SPATA13: variants seen among roughly 807,000 people sequenced by gnomAD.
SPATA13 encodes spermatogenesis associated 13.
In SPATA13, 50 loss-of-function variants were observed where a neutral mutation model predicts 104.0. That is an observed-to-expected ratio of 0.48 (90% confidence interval 0.38 to 0.61). The LOEUF is 0.61. Ranked by LOEUF, SPATA13 falls within the 20% of genes least tolerant of loss-of-function variation. The pLI is 0.00. For synonymous variants in SPATA13, 606 were observed against 667.5 expected (o/e 0.91, Z 1.42); for missense variants, 1,524 against 1,690.6 (o/e 0.90, Z 1.73).
intron 3 of SPATA13, among the ~76,000 whole-genome samples, chr13:24,084,918 T>G (rs1395601867): frequency 6.6e-6 from 1 of 152,182 alleles, no homozygotes; most frequent in African/African-American, 2.4e-5. Context: ...AGAGGAAACC[T>G]GCCTTGACAG....
intron 3 of SPATA13, among the ~76,000 whole-genome samples, chr13:24,086,248 A>G (rs4770573): frequency 0.72 from 109,543 of 152,114 alleles, 39,639 homozygotes; most frequent in East Asian, 0.9. Context: ...GTGTAAGTGT[A>G]TCATTCATAT....
At chr13:24,023,420 A>G (rs1877073793) in intron 3 of SPATA13, among the ~76,000 whole-genome samples, 1 of 152,180 alleles carries the variant, frequency 6.6e-6, no homozygotes, top group Non-Finnish European at 1.5e-5. Flanking sequence ...TTCTAATTTC[A>G]ATAGAAAAGT....
At position 24,011,949 on chromosome 13, in the gene SPATA13, C is replaced by G. The variant is rs1176803725; in HGVS notation, c.-146-5718C>G. On this transcript the variant is annotated intron_variant, in intron 2 of 14. Transcript: ENST00000424834. This position sits in a 1 kb window ranked among gnomAD's most constrained non-coding sequence, Gnocchi z 4.3. ...GCTTCAATGTGCACCTCCGCCTCCC[C>G]CTACGGATTGTAAAACTCACAGGCA... Among the ~76,000 whole-genome samples, 1 of 152,234 alleles carries G rather than the reference C, an allele frequency of 6.6e-6. No individual in the cohort carries two copies. Among genetic ancestry groups the G allele is most frequent in the African/African-American group, 2.4e-5 (1 of 41,464 alleles).
intron 4 of SPATA13, chr13:24,253,088 C>T (rs1873589343): frequency 6.6e-6 from 1 of 152,160 alleles, no homozygotes; most frequent in South Asian, 2.1e-4. Flanking sequence ...CCCAGGGGTT[C>T]AGGTCCCAGG....
At chr13:24,045,388 T>C (rs1878104610) in intron 3 of SPATA13, among the ~76,000 whole-genome samples, 1 of 152,198 alleles carries the variant, frequency 6.6e-6, no homozygotes, top group South Asian at 2.1e-4. Context: ...TGAGCCAAAG[T>C]TTTTGGAAAC....
In SPATA13 at chr13:24,290,736, A is replaced by G. The variant is rs1876292127; in HGVS notation, c.2932A>G (p.Lys978Glu). The G allele has an allele frequency of 6.2e-7, 1 of 1,614,098 alleles. No individual in the cohort carries two copies. The highest frequency in any genetic ancestry group is 8.5e-7 in the Non-Finnish European group (1 of 1,180,052). Residue 978 changes from lysine (K) to glutamate (E), a missense_variant, in exon 9 of 13, where the codon AAG (lysine) becomes GAG (glutamate). By Grantham distance (56) the Lys-to-Glu change is moderately conservative. This residue lies in a region of SPATA13 where 435 missense variants were observed against 554.8 expected (regional missense o/e 0.78). Transcript: ENST00000382108. ...GCTCGCCAACCTCATGAAGCAGGGC[A>G]AGTACAGACATTTCTTTGAAGCCTG... is the stretch of plus-strand genomic sequence containing the variant. ...LELANLMKQG[K>E]YRHFFEACRL...
At chr13:24,047,979 TCCCA>T (rs1479330505) in intron 3 of SPATA13, among the ~76,000 whole-genome samples, 1 of 152,182 alleles carries the variant, frequency 6.6e-6, no homozygotes, top group Non-Finnish European at 1.5e-5. Flanking sequence ...ATGTCTGACA[TCCCA>T]GGGTAGGAGA....
At chr13:24,135,358 C>T (rs975449635) in intron 3 of SPATA13, among the ~76,000 whole-genome samples, 3 of 152,102 alleles carry the variant, frequency 2.0e-5, no homozygotes, top group African/African-American at 7.2e-5. Flanking sequence ...TATTTGTTCA[C>T]AGCAAGATTG....
chr13:24,077,262 C>CAAAAAAAA (rs60810328), intron 3 of SPATA13, among the ~76,000 whole-genome samples: 9 of 73,016 alleles, frequency 1.2e-4, no homozygotes, highest in Admixed American at 1.7e-4. Flanking sequence ...GACTCCATGT[C>CAAAAAAAA]AAAAAAAAAA....
intron 3 of SPATA13, among the ~76,000 whole-genome samples, chr13:24,057,005 TTCTCTCTC>T (rs60596587): frequency 7.6e-5 from 10 of 131,174 alleles, no homozygotes; most frequent in East Asian, 4.9e-4. Context: ...GCTGTTTTCT[TTCTCTCTC>T]TCTCTCTCTC....
intron 3 of SPATA13, among the ~76,000 whole-genome samples, chr13:24,028,385 A>G (rs188413671): frequency 6.6e-6 from 1 of 152,314 alleles, no homozygotes; most frequent in African/African-American, 2.4e-5. Context: ...TTCTTGAAAC[A>G]GTTTTGCTGG....
intron 1 of SPATA13, among the ~76,000 whole-genome samples, chr13:24,163,596 A>G (rs550393450): frequency 6.6e-6 from 1 of 152,300 alleles, no homozygotes; most frequent in African/African-American, 2.4e-5. Flanking sequence ...TTTAGTCTTT[A>G]TCTTCCTAAG....
chr13:24,227,658 C>T (rs966822999), intron 2 of SPATA13, among the ~76,000 whole-genome samples: 8 of 152,020 alleles, frequency 5.3e-5, no homozygotes, highest in African/African-American at 1.9e-4. Context: ...GCAACCTTTG[C>T]CTCACAAGTT....
intron 3 of SPATA13, among the ~76,000 whole-genome samples, chr13:24,090,399 GC>G (rs1879872509): frequency 6.6e-6 from 1 of 152,114 alleles, no homozygotes; most frequent in Admixed American, 6.5e-5. Context: ...CCTTCTAGAT[GC>G]CCCGCAAACA....
At chr13:24,122,834 G>T in intron 3 of SPATA13, 1 of 773,102 alleles carries the variant, frequency 1.3e-6, no homozygotes, top group South Asian at 1.3e-5. Context: ...CTAAAGAGAA[G>T]ATCTCCTCAT....
intron 4 of SPATA13, chr13:24,278,503 C>T (rs1875183987): frequency 1.5e-5 from 9 of 616,880 alleles, no homozygotes; most frequent in Non-Finnish European, 2.2e-5. Flanking sequence ...GTCCCAAACT[C>T]CTGGGCTCAA....
At chr13:24,244,026 G>T (rs1010369547) in intron 2 of SPATA13, among the ~76,000 whole-genome samples, 3 of 152,336 alleles carry the variant, frequency 2.0e-5, no homozygotes, top group South Asian at 4.1e-4. Context: ...AGATCAAAGT[G>T]TTGCCAAGTC....
chr13:24,284,371 T>C, intron 5 of SPATA13, 100 bp downstream of exon 5: 1 of 1,313,836 alleles, frequency 7.6e-7, no homozygotes, highest in African/African-American at 1.5e-5. Flanking sequence ...TTACTAAGCA[T>C]GTCCGAAAAC....
At chr13:23,996,409 C>CAA (rs35654406) in intron 2 of SPATA13, among the ~76,000 whole-genome samples, 69 of 151,756 alleles carry the variant, frequency 4.5e-4, no homozygotes, top group African/African-American at 1.3e-3. Flanking sequence ...TTCAATTGGG[C>CAA]AAAAAACGAT....
Sources: allele counts gnomAD v4.1 joint callset (sites outside exome capture counted in the v4.1 genomes callset), GRCh38; gene constraint gnomAD v4.1.1; regional missense constraint gnomAD v4.1.1; non-coding constraint Gnocchi (gnomAD v3.1); transcripts MANE v1.5; gene names NCBI Gene and HGNC (gene_info 2026-07-23, HGNC 2026-07-21).